PTPRD: variants seen among roughly 807,000 people sequenced by gnomAD.
The protein encoded by PTPRD is receptor-type tyrosine-protein phosphatase delta.
A neutral mutation model predicts 214.5 loss-of-function variants in PTPRD; 34 were observed. The observed-to-expected ratio is 0.16, with a 90% CI of 0.12 to 0.21. The LOEUF is 0.21. Among genes scored for constraint, PTPRD ranks in the 10% least tolerant of loss-of-function variants. The probability of loss-of-function intolerance (pLI) is 1.00; values close to 1 mark genes in which losing one functional copy is unlikely to be tolerated. For synonymous variants in PTPRD, 1,128 were observed against 845.7 expected (o/e 1.33, Z -5.79); for missense variants, 2,545 against 2,398.7 (o/e 1.06, Z -1.27).
intron 2 of PTPRD, among the ~76,000 whole-genome samples, chr9:10,364,114 C>T (rs753827811): frequency 2.7e-5 from 4 of 149,712 alleles, no homozygotes; most frequent in Non-Finnish European, 5.9e-5. Context: ...ATTCTCCTAC[C>T]TCAGCCTCCG....
intron 8 of PTPRD, among the ~76,000 whole-genome samples, chr9:9,409,438 C>A (rs957144305): frequency 2.6e-5 from 4 of 151,990 alleles, no homozygotes; most frequent in African/African-American, 9.7e-5. Context: ...ACATGGAAAT[C>A]ATTTACCACT....
At chr9:9,242,860 C>T (rs1027034706) in intron 9 of PTPRD, among the ~76,000 whole-genome samples, 1 of 152,144 alleles carries the variant, frequency 6.6e-6, no homozygotes, top group Non-Finnish European at 1.5e-5. Context: ...ATTCTCTGTC[C>T]AGCTATGTTC....
chr9:9,151,651 G>A (rs1032990065), intron 10 of PTPRD, among the ~76,000 whole-genome samples: 2 of 152,118 alleles, frequency 1.3e-5, no homozygotes, highest in African/African-American at 4.8e-5. Flanking sequence ...TAATTTTAGA[G>A]GCTATTGTAG....
intron 5 of PTPRD, among the ~76,000 whole-genome samples, chr9:9,835,434 C>A (rs991543182): frequency 1.3e-5 from 2 of 152,040 alleles, no homozygotes; most frequent in Admixed American, 1.3e-4. Flanking sequence ...GGTGGCAGTG[C>A]AAGAATCTCT....
intron 3 of PTPRD, among the ~76,000 whole-genome samples, chr9:10,090,315 C>T (rs1258258964): frequency 6.6e-6 from 1 of 151,622 alleles, no homozygotes; most frequent in Non-Finnish European, 1.5e-5. Flanking sequence ...GCCAGACTAG[C>T]TTATTCACCA....
rs574649726 is a variant in PTPRD, at chr9:10,363,577, C to A, written c.-599-22560G>T. 5.3e-5 allele frequency among the ~76,000 whole-genome samples: 8 copies of A among 152,264 alleles called. No homozygotes were observed. The South Asian group carries it at 1.5e-3, about 28-fold the overall frequency. ...CAACTGTAAATGTTTTCTCTATGAC[C>A]TTTTCTATGGATTAAACACAAATCA... On this transcript the variant is annotated intron_variant, in intron 2 of 45. Transcript: ENST00000381196.
chr9:10,207,702 C>T (rs1323139131), intron 3 of PTPRD, among the ~76,000 whole-genome samples: 1 of 151,400 alleles, frequency 6.6e-6, no homozygotes, highest in Non-Finnish European at 1.5e-5. Context: ...ATATCTTGTT[C>T]TCTTTCATAG....
intron 9 of PTPRD, among the ~76,000 whole-genome samples, chr9:9,334,853 T>C (rs2043802336): frequency 6.6e-6 from 1 of 151,854 alleles, no homozygotes; most frequent in African/African-American, 2.4e-5. Flanking sequence ...AAGTAAATAG[T>C]AGTACTAGGT....
chr9:8,402,723 T>C (rs967170474), intron 36 of PTPRD, among the ~76,000 whole-genome samples: 4 of 151,980 alleles, frequency 2.6e-5, no homozygotes, highest in Non-Finnish European at 5.9e-5. Flanking sequence ...CACTTTAAAA[T>C]GGAAAACATA....
intron 2 of PTPRD, among the ~76,000 whole-genome samples, chr9:10,385,652 C>T (rs761515805): frequency 1.3e-5 from 2 of 151,770 alleles, no homozygotes; most frequent in East Asian, 1.9e-4. Flanking sequence ...AAATTAATCT[C>T]TTTCAGCTTC....
intron 3 of PTPRD, among the ~76,000 whole-genome samples, chr9:10,329,167 T>C (rs1348751434): frequency 6.6e-6 from 1 of 151,786 alleles, no homozygotes; most frequent in Non-Finnish European, 1.5e-5. Flanking sequence ...CTTTTTAATA[T>C]TCCAAAATAT....
At chr9:9,927,821 C>T (rs2084886367) in intron 5 of PTPRD, among the ~76,000 whole-genome samples, 1 of 151,882 alleles carries the variant, frequency 6.6e-6, no homozygotes, top group South Asian at 2.1e-4. Context: ...TTCTTCTAGC[C>T]CTAGCTTATT....
At chr9:8,401,592 A>G (rs1009232116) in intron 36 of PTPRD, among the ~76,000 whole-genome samples, 4 of 152,190 alleles carry the variant, frequency 2.6e-5, no homozygotes, top group African/African-American at 9.7e-5. Context: ...GAAAGATGTC[A>G]CCAAGTGTCA....
chr9:9,114,751 T>G (rs2154457444), intron 10 of PTPRD, among the ~76,000 whole-genome samples: 1 of 152,168 alleles, frequency 6.6e-6, no homozygotes, highest in South Asian at 2.1e-4. Context: ...TTTCTATAGT[T>G]AAGCAGATGG....
At chr9:9,302,601 C>CTTTTT (rs3047853) in intron 9 of PTPRD, among the ~76,000 whole-genome samples, 3 of 111,888 alleles carry the variant, frequency 2.7e-5, no homozygotes, top group Admixed American at 1.0e-4. Flanking sequence ...TTTTTTTTTT[C>CTTTTT]TTTTTTTTTT....
In PTPRD at chr9:8,522,946, AC is replaced by A. The variant is rs2097919875; in HGVS notation, c.691+566del. On this transcript the variant is annotated intron_variant, in intron 19 of 45. Transcript: ENST00000381196. ...TTGGCTGCTCTTAAGGTCGAGATAA[AC>A]CTCCGCTTATTTGAGATGGCTCACT... Among the ~76,000 whole-genome samples the A allele has an allele frequency of 4.6e-5, 7 of 152,098 alleles. No homozygotes were observed. The South Asian group carries it at 1.5e-3, about 32-fold the overall frequency.
At chr9:8,792,835 C>G (rs2096280352) in intron 11 of PTPRD, among the ~76,000 whole-genome samples, 1 of 152,072 alleles carries the variant, frequency 6.6e-6, no homozygotes, top group African/African-American at 2.4e-5. Flanking sequence ...ATTCTTCTCT[C>G]CCTCTTTTTT....
chr9:9,019,293 A>AAAGAAAGAAAGAAAGG (rs2099550758), intron 10 of PTPRD, among the ~76,000 whole-genome samples: 7 of 41,858 alleles, frequency 1.7e-4, no homozygotes, highest in African/African-American at 5.7e-4. Context: ...AGAAAGAAAG[A>AAAGAAAGAAAGAAAGG]AAGAAAGAAA....
chr9:8,646,579 C>T (rs549658060), intron 12 of PTPRD, among the ~76,000 whole-genome samples: 3 of 152,232 alleles, frequency 2.0e-5, no homozygotes, highest in South Asian at 2.1e-4. Flanking sequence ...ACAGAATTTA[C>T]CCACATTTTT....
Sources: allele counts gnomAD v4.1 joint callset (sites outside exome capture counted in the v4.1 genomes callset), GRCh38; gene constraint gnomAD v4.1.1; transcripts MANE v1.5; gene names NCBI Gene and HGNC (gene_info 2026-07-23, HGNC 2026-07-21).